Variants in MGAT4C observed in about 807,000 individuals in gnomAD.
The protein encoded by MGAT4C is alpha-1,3-mannosyl-glycoprotein 4-beta-N-acetylglucosaminyltransferase C.
In MGAT4C, 19 loss-of-function variants were observed where a neutral mutation model predicts 40.1. The observed-to-expected ratio is 0.47, with a 90% CI of 0.33 to 0.70. The LOEUF (loss-of-function observed/expected upper bound fraction) is 0.70, where lower values mean the gene tolerates loss of function less well. Ranked by LOEUF, MGAT4C falls within the 30% of genes least tolerant of loss-of-function variation. The probability of loss-of-function intolerance (pLI) is 0.02; values close to 1 mark genes in which losing one functional copy is unlikely to be tolerated. For missense variants in MGAT4C, 491 were observed against 563.2 expected (o/e 0.87, Z 1.30); for synonymous variants, 181 against 187.1 (o/e 0.97, Z 0.27).
intron 1 of MGAT4C, among the ~76,000 whole-genome samples, chr12:86,770,345 T>C (rs1182094833): frequency 6.6e-6 from 1 of 152,098 alleles, no homozygotes; most frequent in African/African-American, 2.4e-5. Context: ...AATCTTTTTA[T>C]TTCCCAGTGT....
intron 2 of MGAT4C, among the ~76,000 whole-genome samples, chr12:86,572,437 A>G (rs530884312): frequency 1.3e-5 from 2 of 152,168 alleles, no homozygotes; most frequent in East Asian, 3.9e-4. Context: ...TTTTATTAAT[A>G]TACATAACCC....
At chr12:86,743,240 A>C (rs58530693) in intron 1 of MGAT4C, among the ~76,000 whole-genome samples, 4,962 of 149,844 alleles carry the variant, frequency 0.033, 269 homozygotes, top group African/African-American at 0.11. Context: ...GCATTTCTTC[A>C]CAAAGAACTA....
chr12:86,604,314 A>T (rs1961963008), intron 2 of MGAT4C, among the ~76,000 whole-genome samples: 1 of 152,138 alleles, frequency 6.6e-6, no homozygotes, highest in Non-Finnish European at 1.5e-5. Context: ...TAAAATTCTC[A>T]GGAAGGATGA....
chr12:86,796,965 A>T (rs931591063), intron 1 of MGAT4C, among the ~76,000 whole-genome samples: 15 of 151,930 alleles, frequency 9.9e-5, no homozygotes, highest in African/African-American at 3.6e-4. Context: ...TAAGGAAATG[A>T]AAAGGTTCTC....
intron 1 of MGAT4C, among the ~76,000 whole-genome samples, chr12:86,145,474 T>C (rs917936149): frequency 6.6e-6 from 1 of 152,158 alleles, no homozygotes; most frequent in African/African-American, 2.4e-5. Context: ...AGTAGCAGAT[T>C]CTCAAACCTT....
chr12:86,195,803 T>G (rs1380740523), intron 1 of MGAT4C, among the ~76,000 whole-genome samples: 1 of 152,188 alleles, frequency 6.6e-6, no homozygotes, highest in Non-Finnish European at 1.5e-5. Flanking sequence ...ACAAAATATA[T>G]GAGAGTAAAC....
intron 2 of MGAT4C, among the ~76,000 whole-genome samples, chr12:86,534,387 T>A (rs1959036269): frequency 6.6e-6 from 1 of 152,136 alleles, no homozygotes; most frequent in Admixed American, 6.6e-5. Flanking sequence ...TGAACTGAAC[T>A]AATGTATACC....
intron 4 of MGAT4C, 66 bp downstream of exon 4, chr12:85,983,457 A>G: frequency 1.5e-6 from 2 of 1,361,950 alleles, no homozygotes; most frequent in East Asian, 5.1e-5. Flanking sequence ...TATACATGTG[A>G]AACTATCATT....
chr12:86,612,275 C>A (rs984216558), intron 2 of MGAT4C, among the ~76,000 whole-genome samples: 2 of 151,980 alleles, frequency 1.3e-5, no homozygotes, highest in Admixed American at 1.3e-4. Flanking sequence ...TTTTCTCAAC[C>A]TACTAAAATC....
intron 2 of MGAT4C, among the ~76,000 whole-genome samples, chr12:86,504,848 A>G (rs554968256): frequency 5.9e-4 from 90 of 152,178 alleles, no homozygotes; most frequent in African/African-American, 1.6e-3. Context: ...GTTGGTGCTC[A>G]ATGTTGGCCA....
chr12:86,256,513 C>T (rs1952524714), upstream of MGAT4C: 1 of 152,122 alleles, frequency 6.6e-6, no homozygotes, highest in South Asian at 2.1e-4. Context: ...CTGTCAGCTA[C>T]AAATTGAAAT....
chr12:86,295,559 T>C (rs761818922), intron 4 of MGAT4C, among the ~76,000 whole-genome samples: 5 of 152,040 alleles, frequency 3.3e-5, no homozygotes, highest in Non-Finnish European at 5.9e-5. Flanking sequence ...GAAACAACAA[T>C]GCTTCCACAG....
intron 1 of MGAT4C, among the ~76,000 whole-genome samples, chr12:86,765,823 T>C (rs890110951): frequency 5.5e-4 from 84 of 151,996 alleles, no homozygotes; most frequent in Non-Finnish European, 9.1e-4. Context: ...TGCTGAGAGA[T>C]TTTTGTCACC....
chr12:86,235,282 A>G (rs1329463493), intron 1 of MGAT4C, among the ~76,000 whole-genome samples: 1 of 152,002 alleles, frequency 6.6e-6, no homozygotes, highest in Non-Finnish European at 1.5e-5. Context: ...TCTTTCCTCA[A>G]TGAATTTTAA....
chr12:86,764,320 C>T lies in MGAT4C; in HGVS notation c.-261-37079G>A, dbSNP rs550123414. On this transcript the variant is annotated intron_variant, in intron 1 of 7. Transcript: ENST00000548651. The stretch of plus-strand genomic sequence containing the variant: ...GCAGCGAGGCTGGGGGAGGGGTGCC[C>T]GCCATTGCCCAGGCTTGATTAGGTA... Among the ~76,000 whole-genome samples, 46 of 152,160 alleles carry T rather than the reference C, an allele frequency of 3.0e-4. No homozygotes were observed. In the South Asian group the frequency reaches 7.9e-3, roughly 26 times the overall value.
In MGAT4C at chr12:86,310,157, T is replaced by TA. The variant is rs1236567451; in HGVS notation, c.-57+23907_-57+23908insT. ...TTAAGCTAGGGTCTCAAACTCAATTTTTTTTTTTTTTGCCTGAGGTCAGGC... is the reference window on the plus strand; with the variant it reads ...TTAAGCTAGGGTCTCAAACTCAATTTATTTTTTTTTTTGCCTGAGGTCAGGC... On this transcript the variant is annotated intron_variant, in intron 4 of 7. Coordinates refer to the MGAT4C transcript ENST00000548651. Among the ~76,000 whole-genome samples, 3 of 151,174 alleles carry TA rather than the reference T, an allele frequency of 2.0e-5. No homozygotes were observed. In the East Asian group the frequency reaches 5.8e-4, roughly 29 times the overall value.
intron 2 of MGAT4C, among the ~76,000 whole-genome samples, chr12:86,629,132 A>G (rs576091321): frequency 6.6e-6 from 1 of 152,112 alleles, no homozygotes. Flanking sequence ...AGACATTAAA[A>G]AAACAAAGGT....
chr12:86,678,087 A>G (rs1949901299), intron 2 of MGAT4C, among the ~76,000 whole-genome samples: 3 of 152,134 alleles, frequency 2.0e-5, no homozygotes, highest in Admixed American at 6.6e-5. Context: ...TTGCTGATAC[A>G]ACCACCAACT....
intron 2 of MGAT4C, among the ~76,000 whole-genome samples, chr12:86,589,376 A>T (rs2136446027): frequency 6.6e-6 from 1 of 152,272 alleles, no homozygotes; most frequent in African/African-American, 2.4e-5. Context: ...CTCTGAATTG[A>T]CCAATAACAG....
Sources: gnomAD v4.1 joint callset for allele counts (sites outside exome capture counted in the v4.1 genomes callset) on GRCh38, gnomAD v4.1.1 for gene constraint, MANE v1.5 for transcripts, NCBI Gene and HGNC (gene_info 2026-07-23, HGNC 2026-07-21) for gene names.